Variants in CDIN1 observed in about 807,000 individuals in gnomAD.
CDIN1 encodes the protein CDAN1 interacting nuclease 1.
In CDIN1, 33 loss-of-function variants were observed where a neutral mutation model predicts 45.3. The observed-to-expected ratio is 0.73, with a 90% CI of 0.55 to 0.97. CDIN1 has a LOEUF of 0.97. Among genes scored for constraint, CDIN1 ranks in the 50% least tolerant of loss-of-function variants. The pLI, the probability that CDIN1 is intolerant of heterozygous loss-of-function variation, is 0.00. For synonymous variants in CDIN1, 118 were observed against 124.4 expected (o/e 0.95, Z 0.34); for missense variants, 303 against 339.4 (o/e 0.89, Z 0.84).
At chr15:36,591,419 G>T (rs1213190560) in intron 1 of CDIN1, among the ~76,000 whole-genome samples, 1 of 152,158 alleles carries the variant, frequency 6.6e-6, no homozygotes, top group Non-Finnish European at 1.5e-5. Flanking sequence ...GAGGCAGACT[G>T]TTCCTTGTAT....
chr15:36,795,069 G>C (rs763063834), intron 10 of CDIN1, among the ~76,000 whole-genome samples: 1 of 152,126 alleles, frequency 6.6e-6, no homozygotes, highest in East Asian at 1.9e-4. Flanking sequence ...TTCATATATC[G>C]GGGCTTCAAA....
At chr15:36,626,275 T>C (rs1334784457) in intron 1 of CDIN1, among the ~76,000 whole-genome samples, 1 of 151,882 alleles carries the variant, frequency 6.6e-6, no homozygotes, top group African/African-American at 2.4e-5. Context: ...AAGTAGATTC[T>C]TAAAATTCAA....
chr15:36,658,575 A>G (rs2040869552), intron 5 of CDIN1, among the ~76,000 whole-genome samples: 2 of 152,148 alleles, frequency 1.3e-5, no homozygotes, highest in African/African-American at 2.4e-5. Flanking sequence ...GAGTTTGTCA[A>G]CTGCCCCATA....
intron 10 of CDIN1, among the ~76,000 whole-genome samples, chr15:36,769,461 G>A (rs893889780): frequency 2.0e-5 from 3 of 152,100 alleles, no homozygotes; most frequent in Non-Finnish European, 4.4e-5. Flanking sequence ...GCTCTTCAAG[G>A]CCTTCAACCG....
chr15:36,619,509 A>G (rs755312264), intron 1 of CDIN1, among the ~76,000 whole-genome samples: 28 of 151,628 alleles, frequency 1.8e-4, no homozygotes, highest in Non-Finnish European at 4.1e-4. Context: ...CTATCTATCT[A>G]TCTATCTATC....
At chr15:36,658,189 A>T (rs1164082831) in intron 5 of CDIN1, 1 of 242,274 alleles carries the variant, frequency 4.1e-6, no homozygotes, top group Non-Finnish European at 7.9e-6. Flanking sequence ...ATAGAATAAG[A>T]TACATCATTT....
intron 10 of CDIN1, among the ~76,000 whole-genome samples, chr15:36,761,758 G>A (rs1377634530): frequency 1.3e-5 from 2 of 152,116 alleles, no homozygotes; most frequent in Admixed American, 1.3e-4. Flanking sequence ...CTTGCTCCAG[G>A]AAAAAGTCTG....
chr15:36,766,893 GGTTTT>G (rs1376048585), intron 10 of CDIN1, among the ~76,000 whole-genome samples: 1 of 152,046 alleles, frequency 6.6e-6, no homozygotes, highest in African/African-American at 2.4e-5. Flanking sequence ...TCTGTTGATG[GGTTTT>G]GTTTTTTGTG....
At chr15:36,698,418 T>A (rs930313158) in intron 8 of CDIN1, among the ~76,000 whole-genome samples, 4 of 152,224 alleles carry the variant, frequency 2.6e-5, no homozygotes, top group African/African-American at 9.6e-5. Context: ...CTCAAGTCAC[T>A]AAATTAAATT....
At chr15:36,630,510 A>G (rs1400701901) in intron 1 of CDIN1, among the ~76,000 whole-genome samples, 1 of 152,222 alleles carries the variant, frequency 6.6e-6, no homozygotes, top group African/African-American at 2.4e-5. Flanking sequence ...TAAGCACTTC[A>G]AGAATAAAGA....
At chr15:36,634,694 T>C (rs2039821744) in intron 1 of CDIN1, among the ~76,000 whole-genome samples, 1 of 152,226 alleles carries the variant, frequency 6.6e-6, no homozygotes, top group Non-Finnish European at 1.5e-5. Context: ...TCCTTCTTGA[T>C]GCTCTTATTT....
intron 1 of CDIN1, among the ~76,000 whole-genome samples, chr15:36,586,955 A>G (rs2037330424): frequency 1.3e-5 from 2 of 152,234 alleles, no homozygotes; most frequent in South Asian, 4.1e-4. Flanking sequence ...TTAGGATTCA[A>G]ATAAGTAGAA....
At chr15:36,642,577 C>T (rs57725501) in intron 1 of CDIN1, among the ~76,000 whole-genome samples, 2,987 of 152,266 alleles carry the variant, frequency 0.02, 105 homozygotes, top group African/African-American at 0.069. Flanking sequence ...TAGCTAAAGA[C>T]GTTTTTCTAT....
chr15:36,762,677 T>G (rs1217319763), intron 10 of CDIN1, among the ~76,000 whole-genome samples: 1 of 150,726 alleles, frequency 6.6e-6, no homozygotes, highest in East Asian at 2.0e-4. Flanking sequence ...CGGTGTGTGA[T>G]GTTGCACTTT....
intron 5 of CDIN1, among the ~76,000 whole-genome samples, chr15:36,682,325 A>T (rs2041878857): frequency 6.6e-6 from 1 of 152,184 alleles, no homozygotes; most frequent in Non-Finnish European, 1.5e-5. Flanking sequence ...TTCAGCTCCA[A>T]GGCAGAAAGA....
chr15:36,636,357 C>T (rs2039897761), intron 1 of CDIN1, among the ~76,000 whole-genome samples: 1 of 152,060 alleles, frequency 6.6e-6, no homozygotes, highest in Non-Finnish European at 1.5e-5. Context: ...TCGAGACCAT[C>T]CTGGCTAACA....
At chr15:36,742,533 T>A (rs1258029359) in intron 10 of CDIN1, among the ~76,000 whole-genome samples, 1 of 152,236 alleles carries the variant, frequency 6.6e-6, no homozygotes, top group East Asian at 1.9e-4. Context: ...AATAAACTTT[T>A]TCAGGTCACC....
At chr15:36,603,950 G>A (rs1387179519) in intron 1 of CDIN1, among the ~76,000 whole-genome samples, 1 of 152,106 alleles carries the variant, frequency 6.6e-6, no homozygotes, top group South Asian at 2.1e-4. Flanking sequence ...CATAGAGATA[G>A]GACTTTTAGT....
At chr15:36,614,840 T>G (rs2038813018) in intron 1 of CDIN1, among the ~76,000 whole-genome samples, 1 of 152,228 alleles carries the variant, frequency 6.6e-6, no homozygotes, top group Non-Finnish European at 1.5e-5. Context: ...TCTATTTTAT[T>G]TTTTCATTAG....
Sources: allele counts gnomAD v4.1 joint callset (sites outside exome capture counted in the v4.1 genomes callset), GRCh38; gene constraint gnomAD v4.1.1; transcripts MANE v1.5; gene names NCBI Gene and HGNC (gene_info 2026-07-23, HGNC 2026-07-21).